The following RPS6KA2 variants were observed in gnomAD, a reference collection of about 807,000 sequenced individuals.
The protein encoded by RPS6KA2 is ribosomal protein S6 kinase A2, also known as ribosomal protein S6 kinase alpha-2.
In RPS6KA2, 42 loss-of-function variants were observed where a neutral mutation model predicts 91.8. The observed-to-expected ratio is 0.46, with a 90% CI of 0.36 to 0.59. RPS6KA2 has a LOEUF of 0.59. RPS6KA2 is among the 20% of genes least tolerant of loss of function. RPS6KA2 has a pLI of 0.00. For missense variants in RPS6KA2, 798 were observed against 978.5 expected, an observed-to-expected ratio of 0.82 and a Z score of 2.46; for synonymous variants, 414 against 393.6, an observed-to-expected ratio of 1.05 and a Z score of -0.61.
At chr6:166,722,561 A>G (rs946426238) in intron 2 of RPS6KA2, among the ~76,000 whole-genome samples, 2 of 152,182 alleles carry the variant, frequency 1.3e-5, no homozygotes, top group African/African-American at 4.8e-5. Context: ...GGTGGCTGCA[A>G]TGGGAGTGGA....
chr6:166,652,078 G>C (rs1343921640), intron 2 of RPS6KA2, among the ~76,000 whole-genome samples: 1 of 152,256 alleles, frequency 6.6e-6, no homozygotes, highest in Non-Finnish European at 1.5e-5. Flanking sequence ...AAATAGATAT[G>C]ATGAGAATAC....
At chr6:166,686,415 C>G (rs1789018306) in intron 2 of RPS6KA2, among the ~76,000 whole-genome samples, 3 of 152,094 alleles carry the variant, frequency 2.0e-5, no homozygotes, top group Non-Finnish European at 4.4e-5. Context: ...CAGAACAAGC[C>G]CTGAAATCCA....
intron 2 of RPS6KA2, among the ~76,000 whole-genome samples, chr6:166,717,225 T>C (rs976528301): frequency 1.3e-5 from 2 of 152,184 alleles, no homozygotes; most frequent in African/African-American, 2.4e-5. Context: ...GCATCGCCAT[T>C]GCTGGGAACA....
chr6:166,531,377 T>G lies in RPS6KA2; in HGVS notation c.217-64A>C. 4.1e-6 allele frequency: 5 copies of G among 1,222,720 alleles called. No homozygotes were observed. The East Asian group carries it at 1.2e-4, about 28-fold the overall frequency. 75.7% of individuals were successfully genotyped at this position (1,222,720 alleles called of 1,614,324 possible). A position where few individuals can be genotyped will look rare whatever the true frequency, so the allele number is the denominator to read the frequency against. Reference sequence around the variant, plus strand: ...CTTCAAACTCGCTTTCCATATTGGATTTGACAAGGGGATACACAAGGAAGT... The same window carrying G: ...CTTCAAACTCGCTTTCCATATTGGAGTTGACAAGGGGATACACAAGGAAGT... On this transcript the variant is annotated intron_variant, in intron 2 of 20. Transcript: ENST00000265678.
At chr6:166,802,346 G>A (rs1218192980) in intron 2 of RPS6KA2, among the ~76,000 whole-genome samples, 6 of 151,796 alleles carry the variant, frequency 4.0e-5, no homozygotes, top group South Asian at 2.1e-4. Flanking sequence ...TTAGTTCATC[G>A]TAGTGGCCCT....
chr6:166,480,949 C>T (rs2128469891), intron 10 of RPS6KA2, among the ~76,000 whole-genome samples: 1 of 152,282 alleles, frequency 6.6e-6, no homozygotes, highest in East Asian at 1.9e-4. Flanking sequence ...ATTTTATATA[C>T]ATATCTTTCT....
chr6:166,462,256 G>A (rs1206650226), intron 11 of RPS6KA2, among the ~76,000 whole-genome samples: 3 of 152,206 alleles, frequency 2.0e-5, no homozygotes, highest in Admixed American at 2.0e-4. Context: ...CCCTCCCCAT[G>A]GAACCCCCGG....
rs545753294 is a variant in RPS6KA2 at position 166,666,175 on chromosome 6, C to T, written c.124-127391G>A. ...AAATTGGAGACTCTTTCAGCAAGGC[C>T]TGCCTGGGTCACGGGGTCTGCCCCA... On this transcript the variant is annotated intron_variant, in intron 2 of 21. Coordinates refer to the RPS6KA2 transcript ENST00000503859. This position sits in a 1 kb window ranked among gnomAD's most constrained non-coding sequence, Gnocchi z 4.0. Among the ~76,000 whole-genome samples the T allele has an allele frequency of 1.3e-5, 2 of 152,314 alleles. No individual in the cohort carries two copies. Among genetic ancestry groups the T allele is most frequent in the East Asian group, 3.9e-4 (2 of 5,184 alleles).
chr6:166,489,461 G>A (rs1349097208), intron 9 of RPS6KA2, among the ~76,000 whole-genome samples: 1 of 152,188 alleles, frequency 6.6e-6, no homozygotes, highest in East Asian at 1.9e-4. Context: ...GACCACCGGA[G>A]TCCTCAGAGC....
chr6:166,642,257 G>A (rs946983613), intron 2 of RPS6KA2, among the ~76,000 whole-genome samples: 2 of 152,140 alleles, frequency 1.3e-5, no homozygotes, highest in Admixed American at 1.3e-4. Flanking sequence ...TATATGCGAT[G>A]TGCTAAGAGA....
intron 2 of RPS6KA2, among the ~76,000 whole-genome samples, chr6:166,531,586 G>A (rs1015284359): frequency 2.6e-5 from 4 of 152,062 alleles, no homozygotes; most frequent in African/African-American, 4.8e-5. Context: ...AAATAATACC[G>A]CCCCTTGTTT....
At chr6:166,638,418 A>G (rs919662157) in intron 2 of RPS6KA2, among the ~76,000 whole-genome samples, 3 of 152,238 alleles carry the variant, frequency 2.0e-5, no homozygotes. Flanking sequence ...CAAGAGACTC[A>G]AAGTGACCAA....
At chr6:166,656,114 C>T (rs1787994650) in intron 2 of RPS6KA2, among the ~76,000 whole-genome samples, 1 of 152,188 alleles carries the variant, frequency 6.6e-6, no homozygotes, top group Admixed American at 6.5e-5. Context: ...GGAAGAGAGA[C>T]ACGGTGGAAG....
intron 2 of RPS6KA2, among the ~76,000 whole-genome samples, chr6:166,680,630 C>G (rs7764368): frequency 6.6e-5 from 10 of 152,160 alleles, no homozygotes; most frequent in South Asian, 2.1e-4. Flanking sequence ...ACGTGCCAAC[C>G]TTATGAACTG....
rs1780946039 is a variant in RPS6KA2 at position 166,475,668 on chromosome 6, A to T, written c.908-5763T>A. On this transcript the variant is annotated intron_variant, in intron 10 of 20. Transcript: ENST00000265678. Reference sequence around the variant, plus strand: ...CCAGCACCTGCTACGGGCATTCAGTACACATTCACTGAACAGATCACACAC... The same window carrying T: ...CCAGCACCTGCTACGGGCATTCAGTTCACATTCACTGAACAGATCACACAC... The T allele has an allele frequency of 9.2e-6, 4 of 432,516 alleles. No homozygotes were observed. In the Admixed American group the frequency reaches 1.0e-4, roughly 11 times the overall value. The allele number at this position is 432,516 out of a possible 1,614,324, so 26.8% of individuals were successfully genotyped here.
intron 2 of RPS6KA2, among the ~76,000 whole-genome samples, chr6:166,536,556 T>C (rs1388157060): frequency 1.3e-5 from 2 of 152,218 alleles, no homozygotes; most frequent in African/African-American, 4.8e-5. Flanking sequence ...TGGAAATGTC[T>C]GAGCAACGCT....
chr6:166,578,494 G>A (rs1784908134), intron 1 of RPS6KA2, among the ~76,000 whole-genome samples: 1 of 152,238 alleles, frequency 6.6e-6, no homozygotes, highest in East Asian at 1.9e-4. Flanking sequence ...GCAAAGCAGA[G>A]ATGAGTGCTT....
At chr6:166,591,153 T>C (rs1785342064) in intron 1 of RPS6KA2, among the ~76,000 whole-genome samples, 1 of 152,228 alleles carries the variant, frequency 6.6e-6, no homozygotes, top group Admixed American at 6.5e-5. Context: ...CCAGGCACTC[T>C]TCATAGATGC....
chr6:166,746,070 C>A (rs970650449), intron 2 of RPS6KA2, among the ~76,000 whole-genome samples: 2 of 152,138 alleles, frequency 1.3e-5, no homozygotes, highest in East Asian at 3.9e-4. Context: ...TTTTCCTGCC[C>A]GGGTCACCTT....
Sources: gnomAD v4.1 joint callset for allele counts (sites outside exome capture counted in the v4.1 genomes callset) on GRCh38, gnomAD v4.1.1 for gene constraint, Gnocchi (gnomAD v3.1) non-coding constraint, MANE v1.5 for transcripts, NCBI Gene and HGNC (gene_info 2026-07-23, HGNC 2026-07-21) for gene names.